OSBPL1A: variants seen among roughly 807,000 people sequenced by gnomAD.
OSBPL1A encodes oxysterol-binding protein-related protein 1.
In OSBPL1A, 80 loss-of-function variants were observed where a neutral mutation model predicts 137.1. The observed-to-expected ratio is 0.58, with a 90% CI of 0.49 to 0.70. The LOEUF is 0.70. OSBPL1A is among the 30% of genes least tolerant of loss of function. OSBPL1A has a pLI of 0.00. For synonymous variants in OSBPL1A, 365 were observed against 389.7 expected (o/e 0.94, Z 0.75); for missense variants, 970 against 1,129.4 (o/e 0.86, Z 2.02).
chr18:24,371,813 T>C (rs1032541904), intron 2 of OSBPL1A, among the ~76,000 whole-genome samples: 2 of 152,164 alleles, frequency 1.3e-5, no homozygotes, highest in African/African-American at 4.8e-5. Context: ...TGTCACTGGG[T>C]CCCAGGGGCA....
intron 15 of OSBPL1A, among the ~76,000 whole-genome samples, chr18:24,263,675 ACCC>A (rs762601603): frequency 9.9e-4 from 151 of 152,218 alleles, no homozygotes; most frequent in Non-Finnish European, 1.8e-3. Flanking sequence ...GCACTCTGTC[ACCC>A]AGGCTGGAGT....
At chr18:24,298,689 G>A (rs1022453659) in intron 14 of OSBPL1A, among the ~76,000 whole-genome samples, 10 of 152,158 alleles carry the variant, frequency 6.6e-5, no homozygotes, top group African/African-American at 2.4e-4. Flanking sequence ...CCTCTCTTAG[G>A]GTCTGGATTG....
At position 24,167,414 on chromosome 18, in the gene OSBPL1A, G is replaced by A. The variant is rs2086171619; in HGVS notation, c.2450C>T (p.Pro817Leu). 1.2e-6 allele frequency: 2 copies of A among 1,614,052 alleles called. No individual in the cohort carries two copies. Among genetic ancestry groups the A allele is most frequent in the African/African-American group, 1.3e-5 (1 of 74,914 alleles). ...MSTSEELDEM[P>L]VPDSESVFII... is the part of the protein sequence containing the mutation. ...GAATACACTTTCAGAATCCGGCACT[G>A]GCATTTCATCCAACTCCTCAGAGGT... The change falls in exon 25 of 28, where the codon CCA (proline) becomes CTA (leucine). Residue 817 changes from proline (P) to leucine (L), a missense_variant. Coordinates refer to ENST00000319481, the MANE Select transcript of OSBPL1A (RefSeq NM_080597.4).
chr18:24,183,588 A>C (rs1165394271), intron 18 of OSBPL1A, among the ~76,000 whole-genome samples: 1 of 151,290 alleles, frequency 6.6e-6, no homozygotes, highest in East Asian at 1.9e-4. Flanking sequence ...GTGCAGCACC[A>C]TGCCTGGCTA....
intron 4 of OSBPL1A, among the ~76,000 whole-genome samples, chr18:24,352,819 G>T (rs1057338279): frequency 4.6e-5 from 7 of 152,012 alleles, no homozygotes; most frequent in African/African-American, 1.4e-4. Flanking sequence ...ATGGGGAAAG[G>T]ATTCCCTATT....
chr18:24,320,572 C>G (rs1006316585), intron 7 of OSBPL1A, among the ~76,000 whole-genome samples: 1 of 152,118 alleles, frequency 6.6e-6, no homozygotes, highest in Non-Finnish European at 1.5e-5. Context: ...GTCAGAGAGG[C>G]ACGCAGAGGC....
chr18:24,312,183 A>G, intron 12 of OSBPL1A, 77 bp from the exon 13 acceptor site: 1 of 1,539,806 alleles, frequency 6.5e-7, no homozygotes, highest in Non-Finnish European at 8.8e-7. Flanking sequence ...TGATCTGATA[A>G]GCATAAAATT....
At chr18:24,297,898 C>G (rs1256670979) in intron 14 of OSBPL1A, among the ~76,000 whole-genome samples, 1 of 152,108 alleles carries the variant, frequency 6.6e-6, no homozygotes, top group Non-Finnish European at 1.5e-5. Flanking sequence ...GATGTGTGAA[C>G]CAGAGCAACT....
At chr18:24,189,386 A>T (rs1056404516) in intron 18 of OSBPL1A, among the ~76,000 whole-genome samples, 6 of 152,226 alleles carry the variant, frequency 3.9e-5, no homozygotes, top group African/African-American at 7.2e-5. Context: ...TTGCCCAGAC[A>T]GCAGCTTGTG....
chr18:24,265,171 T>A (rs1182683251), intron 15 of OSBPL1A, among the ~76,000 whole-genome samples: 1 of 152,166 alleles, frequency 6.6e-6, no homozygotes, highest in Non-Finnish European at 1.5e-5. Context: ...CAAAATTAAA[T>A]AAGTTCTAAC....
At chr18:24,280,628 C>G (rs1297140498) in intron 15 of OSBPL1A, among the ~76,000 whole-genome samples, 1 of 152,148 alleles carries the variant, frequency 6.6e-6, no homozygotes, top group Non-Finnish European at 1.5e-5. Context: ...TTAAATATGG[C>G]TACATCAACA....
At chr18:24,304,282 C>T (rs774883027) in intron 13 of OSBPL1A, among the ~76,000 whole-genome samples, 9 of 152,086 alleles carry the variant, frequency 5.9e-5, no homozygotes, top group Non-Finnish European at 1.0e-4. Context: ...TTATAGAAAG[C>T]ATTCTTCCTT....
chr18:24,288,764 CA>C (rs10627986), intron 14 of OSBPL1A, among the ~76,000 whole-genome samples: 28,187 of 126,896 alleles, frequency 0.22, 3,571 homozygotes, highest in African/African-American at 0.42. Context: ...AAGACTGTCT[CA>C]AAAAAAAAAA....
At chr18:24,283,283 T>TAA (rs2090000456) in intron 14 of OSBPL1A, among the ~76,000 whole-genome samples, 1 of 62,538 alleles carries the variant, frequency 1.6e-5, no homozygotes, top group Admixed American at 1.7e-4. Context: ...AAAAAAAAAA[T>TAA]ATATATATAT....
chr18:24,273,992 G>C (rs1298470149), intron 15 of OSBPL1A, among the ~76,000 whole-genome samples: 1 of 152,140 alleles, frequency 6.6e-6, no homozygotes, highest in Non-Finnish European at 1.5e-5. Flanking sequence ...CCAGCACATT[G>C]AGAGGCCGAG....
intron 14 of OSBPL1A, among the ~76,000 whole-genome samples, chr18:24,295,826 G>A (rs2146093155): frequency 6.7e-6 from 1 of 150,070 alleles, no homozygotes; most frequent in African/African-American, 2.4e-5. Context: ...TTTATTTCTG[G>A]GTTCTCTATT....
intron 18 of OSBPL1A, among the ~76,000 whole-genome samples, chr18:24,181,608 G>A (rs150718081): frequency 2.6e-4 from 40 of 152,320 alleles, no homozygotes; most frequent in African/African-American, 9.4e-4. Flanking sequence ...CAAAGGCAAT[G>A]GAGACAGAAC....
At chr18:24,385,604 A>G (rs1374069627) in intron 1 of OSBPL1A, among the ~76,000 whole-genome samples, 1 of 152,130 alleles carries the variant, frequency 6.6e-6, no homozygotes, top group Non-Finnish European at 1.5e-5. Flanking sequence ...CAAGGGAGGA[A>G]TGTGTTTCAG....
At chr18:24,293,701 C>T (rs2090234648) in intron 14 of OSBPL1A, among the ~76,000 whole-genome samples, 1 of 152,086 alleles carries the variant, frequency 6.6e-6, no homozygotes, top group Admixed American at 6.6e-5. Flanking sequence ...TGGAGAGGAG[C>T]CAGAAAGGGA....
Sources: allele counts gnomAD v4.1 joint callset (sites outside exome capture counted in the v4.1 genomes callset), GRCh38; gene constraint gnomAD v4.1.1; transcripts MANE v1.5; gene names NCBI Gene and HGNC (gene_info 2026-07-23, HGNC 2026-07-21).